The following ANXA11 variants were observed in gnomAD, a reference collection of about 807,000 sequenced individuals.
ANXA11 encodes annexin A11, also known as 56 kDa autoantigen.
Under a neutral mutation model 64.7 loss-of-function variants are expected in ANXA11, and 57 were observed. That is an observed-to-expected ratio of 0.88 (90% confidence interval 0.71 to 1.10). ANXA11 has a LOEUF of 1.10. Ranked by LOEUF, ANXA11 falls within the 50% of genes least tolerant of loss-of-function variation. The pLI is 0.00. For synonymous variants in ANXA11, 260 were observed against 265.2 expected, an observed-to-expected ratio of 0.98 and a Z score of 0.19; for missense variants, 675 against 670.7, an observed-to-expected ratio of 1.01 and a Z score of -0.07.
intron 13 of ANXA11, among the ~76,000 whole-genome samples, chr10:80,158,465 G>A (rs770233967): frequency 6.6e-6 from 1 of 152,126 alleles, no homozygotes; most frequent in South Asian, 2.1e-4. Flanking sequence ...CCTACTATGG[G>A]GGACAGGCAG....
chr10:80,157,927 G>T, intron 14 of ANXA11, 40 bp downstream of exon 14: 2 of 1,609,292 alleles, frequency 1.2e-6, no homozygotes, highest in Non-Finnish European at 1.7e-6. Flanking sequence ...CACAGGCGAG[G>T]CTAAGGTTCC....
intron 7 of ANXA11, 33 bp from the exon 8 acceptor site, chr10:80,166,230 A>C (rs772657202): frequency 2.3e-6 from 3 of 1,306,368 alleles, no homozygotes; most frequent in South Asian, 1.3e-5. Flanking sequence ...AACCAACAAA[A>C]AAAAAAACAA....
chr10:80,198,786 T>C (rs1840283093), intron 1 of ANXA11, among the ~76,000 whole-genome samples: 1 of 152,120 alleles, frequency 6.6e-6, no homozygotes, highest in Non-Finnish European at 1.5e-5. Flanking sequence ...GGCTCCTCTC[T>C]TCATTCACAA....
chr10:80,193,586 GT>G (rs1444619525), intron 1 of ANXA11, among the ~76,000 whole-genome samples: 1 of 152,070 alleles, frequency 6.6e-6, no homozygotes, highest in Non-Finnish European at 1.5e-5. Flanking sequence ...GCTCACATCT[GT>G]AATCCCAGCA....
chr10:80,197,547 T>G (rs1840220862), intron 1 of ANXA11, among the ~76,000 whole-genome samples: 1 of 152,190 alleles, frequency 6.6e-6, no homozygotes, highest in Non-Finnish European at 1.5e-5. Flanking sequence ...AAATAGCCTC[T>G]GCCCTCAAAC....
intron 1 of ANXA11, among the ~76,000 whole-genome samples, chr10:80,191,009 T>C (rs1439776317): frequency 6.6e-6 from 1 of 151,922 alleles, no homozygotes; most frequent in Non-Finnish European, 1.5e-5. Context: ...GCGGATCACC[T>C]GAGGTCAGGA....
At chr10:80,167,133 GT>G (rs1845777293) in intron 6 of ANXA11, 92 bp downstream of exon 6, 1 of 1,377,264 alleles carries the variant, frequency 7.3e-7, no homozygotes, top group African/African-American at 1.4e-5. Context: ...CCAGGTCAGC[GT>G]CCCCCAGCTA....
intron 1 of ANXA11, among the ~76,000 whole-genome samples, chr10:80,182,964 AAC>A (rs748102319): frequency 3.9e-5 from 6 of 152,172 alleles, no homozygotes; most frequent in Non-Finnish European, 7.3e-5. Flanking sequence ...GGGGAAAAAA[AAC>A]ACACATCTGG....
chr10:80,201,777 C>T (rs1049239242), intron 1 of ANXA11, among the ~76,000 whole-genome samples: 3 of 152,154 alleles, frequency 2.0e-5, no homozygotes, highest in East Asian at 1.9e-4. Context: ...CACTGTCACA[C>T]GCACCCTTTC....
intron 12 of ANXA11, among the ~76,000 whole-genome samples, chr10:80,160,714 A>G (rs527448746): frequency 1.3e-5 from 2 of 151,976 alleles, no homozygotes; most frequent in East Asian, 3.9e-4. Context: ...GATAACTTCA[A>G]CTACCCATAG....
chr10:80,201,191 T>G (rs1840404383), intron 1 of ANXA11, among the ~76,000 whole-genome samples: 1 of 151,836 alleles, frequency 6.6e-6, no homozygotes, highest in African/African-American at 2.4e-5. Flanking sequence ...GGCAGCCACA[T>G]CTCCTCCATA....
At chr10:80,166,061 C>G (rs1168403670) in intron 8 of ANXA11, 23 bp downstream of exon 8, 1 of 1,340,052 alleles carries the variant, frequency 7.5e-7, no homozygotes, top group East Asian at 2.3e-5. Context: ...CACACACACA[C>G]ACACACACAC....
intron 15 of ANXA11, 114 bp from the exon 16 acceptor site, chr10:80,156,026 G>A: frequency 8.9e-7 from 1 of 1,129,400 alleles, no homozygotes; most frequent in Non-Finnish European, 1.3e-6. Flanking sequence ...CCACCCTGGG[G>A]AATTTTCTCC....
intron 12 of ANXA11, 72 bp downstream of exon 12, chr10:80,161,863 T>A: frequency 7.5e-7 from 1 of 1,340,266 alleles, no homozygotes; most frequent in South Asian, 1.2e-5. Flanking sequence ...AGTGTTCCCA[T>A]AGCTTTGTTT....
rs1845165914 is a variant in ANXA11, at chr10:80,152,001, T to C, written c.*3852A>G. The C allele has an allele frequency of 6.6e-6, 1 of 151,904 alleles. No homozygotes were observed. The highest frequency in any genetic ancestry group is 1.5e-5 in the Non-Finnish European group (1 of 67,896). 9.4% of individuals were successfully genotyped at this position (151,904 alleles called of 1,614,324 possible). A position where few individuals can be genotyped will look rare whatever the true frequency, so the allele number is the denominator to read the frequency against. ...GCCACAGGGTGAGCACTCCAAGGTT[T>C]CTTTCTTAAATTTTGCACCTGAGAC... On this transcript the variant is annotated 3_prime_UTR_variant, in exon 16 of 16. Transcript: ENST00000422982.
intron 1 of ANXA11, among the ~76,000 whole-genome samples, chr10:80,182,186 G>C (rs1186785182): frequency 1.3e-5 from 2 of 150,302 alleles, no homozygotes; most frequent in Non-Finnish European, 3.0e-5. Context: ...ATATACCACT[G>C]TGGTGGGAGT....
chr10:80,194,514 T>C (rs55636503), intron 1 of ANXA11, among the ~76,000 whole-genome samples: 1,836 of 110,292 alleles, frequency 0.017, 46 homozygotes, highest in African/African-American at 0.073. Context: ...GAGCCACTCC[T>C]AGGAAGAGTC....
intron 1 of ANXA11, among the ~76,000 whole-genome samples, chr10:80,199,548 G>T (rs995412415): frequency 1.3e-5 from 2 of 152,092 alleles, no homozygotes; most frequent in Non-Finnish European, 2.9e-5. Flanking sequence ...GCTCATGTCC[G>T]TAATCCCAGC....
rs1845882313 is a variant in ANXA11 at position 80,169,306 on chromosome 10, G to C, written c.224C>G (p.Pro75Arg). 1.9e-6 allele frequency: 3 copies of C among 1,611,212 alleles called. No individual in the cohort carries two copies. Among genetic ancestry groups the C allele is most frequent in the African/African-American group, 2.7e-5 (2 of 75,012 alleles). ...TGGGTAGCCAGCCCCAGGGGCCCCAGGGTACAGGTTGGGCATGTTGGCTCC... is the reference window on the plus strand; with the variant it reads ...TGGGTAGCCAGCCCCAGGGGCCCCACGGTACAGGTTGGGCATGTTGGCTCC... ...FGGANMPNLY[P>R]GAPGAGYPPV... The change falls in exon 5 of 16, where the codon CCT (proline) becomes CGT (arginine). Residue 75 changes from proline to arginine, a missense_variant. Pro to Arg is a moderately radical substitution (Grantham distance 103). Coordinates refer to ENST00000422982, the MANE Select transcript of ANXA11 (RefSeq NM_145868.2).
Sources: allele counts gnomAD v4.1 joint callset (sites outside exome capture counted in the v4.1 genomes callset), GRCh38; gene constraint gnomAD v4.1.1; transcripts MANE v1.5; gene names NCBI Gene and HGNC (gene_info 2026-07-23, HGNC 2026-07-21).